Variants in RARB observed in about 807,000 individuals in gnomAD.
The protein encoded by RARB is retinoic acid receptor beta, also known as HBV-activated protein.
A neutral mutation model predicts 51.9 loss-of-function variants in RARB; 17 were observed. The ratio of observed to expected loss-of-function variants is 0.33; its 90% CI spans 0.22 to 0.49. The LOEUF (loss-of-function observed/expected upper bound fraction) is 0.49, where lower values mean the gene tolerates loss of function less well. Ranked by LOEUF, RARB falls within the 20% of genes least tolerant of loss-of-function variation. The pLI is 0.99. For synonymous variants in RARB, 215 were observed against 195.4 expected (o/e 1.10, Z -0.84); for missense variants, 369 against 550.8 (o/e 0.67, Z 3.30).
intron 3 of RARB, among the ~76,000 whole-genome samples, chr3:25,101,092 C>T (rs1699391783): frequency 6.6e-6 from 1 of 152,134 alleles, no homozygotes; most frequent in South Asian, 2.1e-4. Context: ...TCCATAATAT[C>T]ATTTAAAGAG....
chr3:24,911,050 T>A (rs576255920), intron 2 of RARB, among the ~76,000 whole-genome samples: 1 of 152,342 alleles, frequency 6.6e-6, no homozygotes, highest in East Asian at 1.9e-4. Flanking sequence ...ATGTTATGAC[T>A]TCATATTTTA....
chr3:25,051,702 A>G (rs1698336579), intron 2 of RARB, among the ~76,000 whole-genome samples: 1 of 152,192 alleles, frequency 6.6e-6, no homozygotes. Flanking sequence ...AGACCATGAG[A>G]CAAGCATATA....
chr3:25,131,611 T>A (rs1418746094), intron 3 of RARB, among the ~76,000 whole-genome samples: 1 of 152,004 alleles, frequency 6.6e-6, no homozygotes, highest in East Asian at 1.9e-4. Flanking sequence ...TATACATATA[T>A]TTGTAAAAGG....
rs144704781 is a variant in RARB, at chr3:25,061,137, A to T, written c.-328+961A>T. 4.1e-3 allele frequency among the ~76,000 whole-genome samples: 622 copies of T among 152,050 alleles called. 13 individuals carry two copies. Among genetic ancestry groups the T allele is most frequent in the Non-Finnish European group, 2.3e-3 (157 of 67,852 alleles). ...TGGCCTGGAACTTTTGCAATGAAGGAAACATTATAGTTTAATTCATAGTGA... is the reference window on the plus strand; with the variant it reads ...TGGCCTGGAACTTTTGCAATGAAGGTAACATTATAGTTTAATTCATAGTGA... On this transcript the variant is annotated intron_variant, in intron 3 of 11. Transcript: ENST00000383772.
Position 25,157,739 on chromosome 3 carries a change from G to C in RARB, c.-279-16380G>C, listed in dbSNP as rs556268895. 2.0e-5 allele frequency among the ~76,000 whole-genome samples: 3 copies of C among 152,260 alleles called. 1 individual carries two copies. Among genetic ancestry groups the C allele is most frequent in the Admixed American group, 6.5e-5 (1 of 15,294 alleles). ...CTCATTTGATCTTCTTCACAAATTTGTGTGCTAAGTCCTGTTATTTTCTCA... is the reference window on the plus strand; with the variant it reads ...CTCATTTGATCTTCTTCACAAATTTCTGTGCTAAGTCCTGTTATTTTCTCA... On this transcript the variant is annotated intron_variant, in intron 4 of 11. Transcript: ENST00000383772.
intron 2 of RARB, among the ~76,000 whole-genome samples, chr3:24,957,041 T>C (rs1240594409): frequency 6.6e-6 from 1 of 152,202 alleles, no homozygotes; most frequent in South Asian, 2.1e-4. Context: ...AACTATTAGA[T>C]GCTGGCTGCC....
rs58115094 is a variant in RARB, at chr3:25,468,396, T to TTTTTA, written c.306+7055_306+7056insTTTTA. 5.5e-5 allele frequency among the ~76,000 whole-genome samples: 8 copies of TTTTTA among 144,150 alleles called. No homozygotes were observed. The East Asian group carries it at 1.6e-3, about 30-fold the overall frequency. The allele number at this position is 144,150 out of a possible 152,430, so 94.6% of individuals were successfully genotyped here. ...GCTTTTTTTTTTTTTTTTTTTTTTTTAACCCATAGCGCTTTTATTTCTCAC... is the reference window on the plus strand; with the variant it reads ...GCTTTTTTTTTTTTTTTTTTTTTTTTTTTTAAACCCATAGCGCTTTTATTTCTCAC... On this transcript the variant is annotated intron_variant, in intron 2 of 7. Transcript: ENST00000330688.
At chr3:25,403,140 G>A (rs1483897184) in intron 5 of RARB, among the ~76,000 whole-genome samples, 1 of 144,614 alleles carries the variant, frequency 6.9e-6, no homozygotes, top group Non-Finnish European at 1.5e-5. Flanking sequence ...TCCAGCCTGA[G>A]TGACAGAAAG....
chr3:25,198,697 C>A (rs321526), intron 5 of RARB, among the ~76,000 whole-genome samples: 75,525 of 151,824 alleles, frequency 0.5, 19,249 homozygotes, highest in African/African-American at 0.6. Context: ...GGTGGCCAAC[C>A]TTACTGAGCA....
chr3:24,899,913 A>C (rs1703564467), intron 2 of RARB, among the ~76,000 whole-genome samples: 1 of 120,016 alleles, frequency 8.3e-6, no homozygotes, highest in Admixed American at 8.8e-5. Flanking sequence ...GTTTAACCCA[A>C]ATTGGGATTT....
intron 2 of RARB, among the ~76,000 whole-genome samples, chr3:24,912,426 A>G (rs867981821): frequency 7.1e-6 from 1 of 140,064 alleles, no homozygotes; most frequent in East Asian, 2.7e-4. Context: ...TAAAATCTCA[A>G]TAAGTGGTCA....
At chr3:25,098,732 A>T (rs1397969877) in intron 3 of RARB, among the ~76,000 whole-genome samples, 1 of 152,170 alleles carries the variant, frequency 6.6e-6, no homozygotes, top group African/African-American at 2.4e-5. Context: ...AGCCTTAAAT[A>T]TTTATAATCT....
At chr3:25,325,597 C>A (rs1339396268) in intron 5 of RARB, among the ~76,000 whole-genome samples, 1 of 151,966 alleles carries the variant, frequency 6.6e-6, no homozygotes, top group Non-Finnish European at 1.5e-5. Flanking sequence ...CCCAACTCCT[C>A]ATCTATTCCT....
At chr3:25,117,571 G>A (rs1909524) in intron 3 of RARB, among the ~76,000 whole-genome samples, 69,076 of 151,948 alleles carry the variant, frequency 0.45, 16,388 homozygotes, top group East Asian at 0.66. Flanking sequence ...GAATAGGATG[G>A]ATAGGGGATG....
intron 2 of RARB, among the ~76,000 whole-genome samples, chr3:25,045,052 CTAAAAAGTT>C (rs1372678956): frequency 2.6e-5 from 4 of 152,134 alleles, no homozygotes; most frequent in African/African-American, 9.7e-5. Flanking sequence ...TTTCGAAAAC[CTAAAAAGTT>C]TAGTTTGGTT....
At chr3:25,027,287 G>T (rs561986451) in intron 2 of RARB, among the ~76,000 whole-genome samples, 12 of 152,264 alleles carry the variant, frequency 7.9e-5, no homozygotes, top group African/African-American at 2.9e-4. Flanking sequence ...AGCAAATTAG[G>T]CATAGTAGGA....
At chr3:25,293,597 T>TAAAAAAAAAAAAAAAAAAACAAAA (rs1703841682) in intron 5 of RARB, among the ~76,000 whole-genome samples, 1 of 68,660 alleles carries the variant, frequency 1.5e-5, no homozygotes, top group African/African-American at 4.2e-5. Flanking sequence ...TTACTCCATT[T>TAAAAAAAAAAAAAAAAAAACAAAA]AAAAAAAAAA....
chr3:25,062,140 A>G (rs886202328), intron 3 of RARB, among the ~76,000 whole-genome samples: 2 of 151,892 alleles, frequency 1.3e-5, no homozygotes, highest in Non-Finnish European at 2.9e-5. Flanking sequence ...ATATCAATAA[A>G]TCCATTAAAA....
intron 5 of RARB, among the ~76,000 whole-genome samples, chr3:25,223,103 A>C (rs1468380354): frequency 6.6e-6 from 1 of 152,238 alleles, no homozygotes; most frequent in Non-Finnish European, 1.5e-5. Context: ...ATATATAATC[A>C]TGTAACTACC....
Sources: gnomAD v4.1 joint callset for allele counts (sites outside exome capture counted in the v4.1 genomes callset) on GRCh38, gnomAD v4.1.1 for gene constraint, MANE v1.5 for transcripts, NCBI Gene and HGNC (gene_info 2026-07-23, HGNC 2026-07-21) for gene names.